The following HECW1 variants were observed in gnomAD, a reference collection of about 807,000 sequenced individuals.
HECW1 encodes the protein HECT, C2 and WW domain containing E3 ubiquitin protein ligase 1.
Under a neutral mutation model 182.3 loss-of-function variants are expected in HECW1, and 61 were observed. The ratio of observed to expected loss-of-function variants is 0.33; its 90% CI spans 0.27 to 0.41. The LOEUF is 0.41. Ranked by LOEUF, HECW1 falls within the 10% of genes least tolerant of loss-of-function variation. HECW1 has a pLI of 1.00. For synonymous variants in HECW1, 859 were observed against 832.6 expected (o/e 1.03, Z -0.55); for missense variants, 1,739 against 2,108.9 (o/e 0.82, Z 3.44).
intron 2 of HECW1, among the ~76,000 whole-genome samples, chr7:43,204,361 C>G (rs959189034): frequency 1.3e-5 from 2 of 152,122 alleles, no homozygotes; most frequent in African/African-American, 4.8e-5. Flanking sequence ...AACCCTAAGT[C>G]ATTTTCTTGG....
intron 3 of HECW1, among the ~76,000 whole-genome samples, chr7:43,285,535 TACAGTGGTCC>T (rs1241862888): frequency 6.6e-6 from 1 of 152,094 alleles, no homozygotes; most frequent in Non-Finnish European, 1.5e-5. Context: ...ATAAAGAACC[TACAGTGGTCC>T]ACACCTATAA....
chr7:43,488,668 C>T (rs981740346), intron 17 of HECW1, among the ~76,000 whole-genome samples: 20 of 152,062 alleles, frequency 1.3e-4, no homozygotes, highest in African/African-American at 4.6e-4. Context: ...TCAAACAGAC[C>T]CTCGGAATTT....
intron 2 of HECW1, among the ~76,000 whole-genome samples, chr7:43,207,254 C>A (rs1358450497): frequency 1.3e-5 from 2 of 152,082 alleles, no homozygotes; most frequent in South Asian, 4.1e-4. Context: ...ACCATGTTGG[C>A]CAGGCTGGTC....
At chr7:43,384,701 T>C (rs1344112378) in intron 6 of HECW1, among the ~76,000 whole-genome samples, 1 of 152,198 alleles carries the variant, frequency 6.6e-6, no homozygotes, top group African/African-American at 2.4e-5. Context: ...GCCATTACAC[T>C]CACATGAATG....
At chr7:43,296,698 A>T (rs1806096928) in intron 3 of HECW1, among the ~76,000 whole-genome samples, 2 of 152,224 alleles carry the variant, frequency 1.3e-5, no homozygotes, top group South Asian at 4.1e-4. Flanking sequence ...ACTAATGGAA[A>T]AAAGTAAGGC....
intron 8 of HECW1, among the ~76,000 whole-genome samples, chr7:43,427,527 G>A (rs966408697): frequency 6.6e-6 from 1 of 152,142 alleles, no homozygotes; most frequent in African/African-American, 2.4e-5. Flanking sequence ...TCTCTATTAT[G>A]CTGTTACTTG....
At chr7:43,557,779 G>A (rs1019437159) in intron 29 of HECW1, among the ~76,000 whole-genome samples, 3 of 152,194 alleles carry the variant, frequency 2.0e-5, no homozygotes, top group Non-Finnish European at 4.4e-5. Context: ...CTCAGGACAT[G>A]CACATGTACT....
intron 19 of HECW1, among the ~76,000 whole-genome samples, chr7:43,499,597 C>G (rs1042054997): frequency 4.6e-5 from 7 of 151,780 alleles, no homozygotes; most frequent in Admixed American, 2.0e-4. Context: ...ACACATGACT[C>G]TAAAATTACC....
At chr7:43,492,000 G>T (rs893509489) in intron 17 of HECW1, 75 bp from the exon 18 acceptor site, 1 of 1,070,590 alleles carries the variant, frequency 9.3e-7, no homozygotes, top group Non-Finnish European at 1.4e-6. Context: ...TACCCCTTAG[G>T]TTGAAAAACT....
chr7:43,272,815 C>T (rs545195290), intron 3 of HECW1, among the ~76,000 whole-genome samples: 30 of 152,340 alleles, frequency 2.0e-4, no homozygotes, highest in African/African-American at 4.8e-4. Flanking sequence ...AATCCCATTA[C>T]TCTGTGTATT....
intron 3 of HECW1, among the ~76,000 whole-genome samples, chr7:43,250,879 C>T (rs955437032): frequency 6.6e-6 from 1 of 152,204 alleles, no homozygotes; most frequent in African/African-American, 2.4e-5. Flanking sequence ...TCTGCTTAGC[C>T]ACAGAGCTGA....
chr7:43,138,426 T>G (rs746747816), intron 2 of HECW1, among the ~76,000 whole-genome samples: 1 of 152,206 alleles, frequency 6.6e-6, no homozygotes, highest in Non-Finnish European at 1.5e-5. Context: ...GCCAGTAAAT[T>G]AATTAGGAAC....
chr7:43,476,625 A>G (rs1336916130), intron 16 of HECW1, among the ~76,000 whole-genome samples: 4 of 152,170 alleles, frequency 2.6e-5, no homozygotes, highest in Non-Finnish European at 5.9e-5. Context: ...ACCAGTGAAA[A>G]GCCTCAGGCC....
At chr7:43,441,096 G>A (rs938830077) in intron 9 of HECW1, among the ~76,000 whole-genome samples, 2 of 152,180 alleles carry the variant, frequency 1.3e-5, no homozygotes, top group Non-Finnish European at 2.9e-5. Flanking sequence ...AATATCCAAA[G>A]GTGGTCACTC....
chr7:43,126,033 A>G (rs1013782830), intron 2 of HECW1, among the ~76,000 whole-genome samples: 5 of 147,836 alleles, frequency 3.4e-5, no homozygotes, highest in Non-Finnish European at 5.9e-5. Context: ...ATCCATGTAA[A>G]TGCAAGGCGT....
At chr7:43,468,693 T>A (rs1024384536) in intron 15 of HECW1, among the ~76,000 whole-genome samples, 2 of 152,246 alleles carry the variant, frequency 1.3e-5, no homozygotes, top group Middle Eastern at 3.4e-3. Flanking sequence ...GCTAATTTTT[T>A]AAATTTTTTG....
At chr7:43,213,956 A>G (rs1445592474) in intron 2 of HECW1, among the ~76,000 whole-genome samples, 3 of 152,100 alleles carry the variant, frequency 2.0e-5, no homozygotes, top group Non-Finnish European at 4.4e-5. Context: ...TTTTCAGGAA[A>G]TTAAACATTT....
intron 3 of HECW1, among the ~76,000 whole-genome samples, chr7:43,304,928 A>C (rs1807360113): frequency 6.6e-6 from 1 of 152,228 alleles, no homozygotes; most frequent in Admixed American, 6.5e-5. Context: ...GACAAAAAAT[A>C]AGTTGACAGG....
chr7:43,270,280 T>C (rs1158992550), intron 3 of HECW1, among the ~76,000 whole-genome samples: 1 of 152,182 alleles, frequency 6.6e-6, no homozygotes, highest in Non-Finnish European at 1.5e-5. Context: ...GTAAGTCAGA[T>C]GTCAGCTGGG....
Sources: allele counts gnomAD v4.1 joint callset (sites outside exome capture counted in the v4.1 genomes callset), GRCh38; gene constraint gnomAD v4.1.1; transcripts MANE v1.5; gene names NCBI Gene and HGNC (gene_info 2026-07-23, HGNC 2026-07-21).